Variants in IL16 observed in about 807,000 individuals in gnomAD.
IL16 encodes the protein pro-interleukin-16.
In IL16, 67 loss-of-function variants were observed where a neutral mutation model predicts 110.1. The observed-to-expected ratio is 0.61, with a 90% CI of 0.50 to 0.75. The LOEUF is 0.75. Ranked by LOEUF, IL16 falls within the 30% of genes least tolerant of loss-of-function variation. The probability of loss-of-function intolerance (pLI) is 0.00; values close to 1 mark genes in which losing one functional copy is unlikely to be tolerated. For synonymous variants in IL16, 689 were observed against 662.9 expected, an observed-to-expected ratio of 1.04 and a Z score of -0.61; for missense variants, 1,545 against 1,655.0, an observed-to-expected ratio of 0.93 and a Z score of 1.15.
chr15:81,222,690 CA>C (rs1447587447), intron 1 of IL16, among the ~76,000 whole-genome samples: 1 of 151,916 alleles, frequency 6.6e-6, no homozygotes, highest in Non-Finnish European at 1.5e-5. Flanking sequence ...GATTATCTTA[CA>C]AATTTCCAAA....
At chr15:81,281,543 T>C (rs538535821) in intron 8 of IL16, among the ~76,000 whole-genome samples, 2 of 152,318 alleles carry the variant, frequency 1.3e-5, no homozygotes, top group Admixed American at 1.3e-4. Flanking sequence ...GCTGGGATAG[T>C]CCCAGACATC....
chr15:81,268,387 C>G (rs1898487883), intron 4 of IL16, among the ~76,000 whole-genome samples: 1 of 152,064 alleles, frequency 6.6e-6, no homozygotes. Context: ...CTGTTAATAT[C>G]CACCTTTGAC....
chr15:81,196,774 GCTT>G, upstream of IL16: 1 of 997,820 alleles, frequency 1.0e-6, no homozygotes, highest in Non-Finnish European at 1.2e-6. Flanking sequence ...CTGAGGCTGA[GCTT>G]CTCAGCACTG....
chr15:81,230,719 A>G (rs1896942062), intron 2 of IL16, among the ~76,000 whole-genome samples: 1 of 152,172 alleles, frequency 6.6e-6, no homozygotes, highest in Non-Finnish European at 1.5e-5. Flanking sequence ...AATAGGATTT[A>G]CACCCTTCAT....
intron 18 of IL16, among the ~76,000 whole-genome samples, chr15:81,307,795 A>G (rs990829415): frequency 1.3e-4 from 20 of 152,232 alleles, no homozygotes; most frequent in African/African-American, 4.8e-4. Flanking sequence ...ACTAGCAGCT[A>G]TGAAGCTCTG....
At chr15:81,225,852 A>G in intron 2 of IL16, 141 bp downstream of exon 2, 1 of 741,440 alleles carries the variant, frequency 1.3e-6, no homozygotes, top group East Asian at 2.7e-5. Context: ...AAGTTGAGGC[A>G]GGGCCCACTG....
intron 8 of IL16, 117 bp from the exon 9 acceptor site, chr15:81,282,522 C>T (rs1000741443): frequency 4.1e-5 from 31 of 757,032 alleles, no homozygotes; most frequent in Admixed American, 1.4e-4. Context: ...TCTGTGAATA[C>T]GGGTGGGATG....
intron 15 of IL16, among the ~76,000 whole-genome samples, chr15:81,302,829 G>C (rs922309109): frequency 3.3e-5 from 5 of 152,162 alleles, no homozygotes; most frequent in African/African-American, 4.8e-5. Flanking sequence ...CTGACCCTTT[G>C]AGCAGATGTA....
intron 4 of IL16, among the ~76,000 whole-genome samples, chr15:81,268,471 A>G (rs142369775): frequency 1.1e-4 from 17 of 152,370 alleles, no homozygotes; most frequent in African/African-American, 4.1e-4. Context: ...CAGGATGGAT[A>G]TGAACACAGG....
chr15:81,279,239 CATCT>C (rs568563856), intron 7 of IL16, among the ~76,000 whole-genome samples: 214 of 152,168 alleles, frequency 1.4e-3, no homozygotes, highest in Non-Finnish European at 2.5e-3. Flanking sequence ...TCTATCCATC[CATCT>C]ATCTATTATC....
intron 12 of IL16, among the ~76,000 whole-genome samples, chr15:81,294,731 A>G (rs754545581): frequency 1.3e-5 from 2 of 152,142 alleles, no homozygotes; most frequent in African/African-American, 4.8e-5. Context: ...CATAAAAGCA[A>G]TCAGCACGAC....
intron 1 of IL16, among the ~76,000 whole-genome samples, chr15:81,207,571 A>C (rs1403937731): frequency 7.6e-6 from 1 of 132,388 alleles, no homozygotes; most frequent in East Asian, 2.5e-4. Context: ...TGTTTATGTT[A>C]CTATGTGGCC....
At chr15:81,209,002 T>C (rs1896136034) in intron 1 of IL16, among the ~76,000 whole-genome samples, 1 of 152,244 alleles carries the variant, frequency 6.6e-6, no homozygotes, top group Non-Finnish European at 1.5e-5. Flanking sequence ...AACAGAACAG[T>C]GCACATAGTA....
rs557949665 is a variant in IL16, at chr15:81,208,926, G to C, written c.-102+11774G>C. Among the ~76,000 whole-genome samples the C allele has an allele frequency of 9.2e-5, 14 of 152,190 alleles. No individual in the cohort carries two copies. In the South Asian group the frequency reaches 2.5e-3, roughly 27 times the overall value. On this transcript the variant is annotated intron_variant, in intron 1 of 18. Coordinates refer to ENST00000683961, the MANE Select transcript of IL16 (RefSeq NM_172217.5). Reference sequence around the variant, plus strand: ...TGTTAAATGGAGAAAGTTAAAAATAGTATATATCTCATATGGATATTATAA... The same window carrying C: ...TGTTAAATGGAGAAAGTTAAAAATACTATATATCTCATATGGATATTATAA...
intron 2 of IL16, among the ~76,000 whole-genome samples, chr15:81,259,339 C>A (rs2142184465): frequency 6.6e-6 from 1 of 152,306 alleles, no homozygotes; most frequent in East Asian, 1.9e-4. Context: ...CTCTCTAGTT[C>A]TTTTCTTCAG....
chr15:81,189,169 G>A (rs1430671925), intron 1 of IL16, among the ~76,000 whole-genome samples: 1 of 150,174 alleles, frequency 6.7e-6, no homozygotes, highest in African/African-American at 2.5e-5. Flanking sequence ...CATCACCCAG[G>A]CTGGAGTGCA....
At chr15:81,247,078 T>TTTC (rs1427583643) in intron 2 of IL16, among the ~76,000 whole-genome samples, 3 of 101,540 alleles carry the variant, frequency 3.0e-5, no homozygotes, top group African/African-American at 1.7e-4. Context: ...TTCTTTTCCT[T>TTTC]TTTTTTTTTT....
chr15:81,201,952 A>C (rs1348909145), intron 1 of IL16, among the ~76,000 whole-genome samples: 1 of 152,234 alleles, frequency 6.6e-6, no homozygotes, highest in Admixed American at 6.5e-5. Context: ...ATATAAGGCA[A>C]GTAAGCATAG....
rs145016654 is a variant in IL16, at chr15:81,189,083, A to G, written c.40+6187A>G. Among the ~76,000 whole-genome samples the G allele has an allele frequency of 2.6e-5, 4 of 151,902 alleles. No homozygotes were observed. In the East Asian group the frequency reaches 7.8e-4, roughly 29 times the overall value. On this transcript the variant is annotated intron_variant, in intron 1 of 18. Transcript: ENST00000302987. ...ATCCTCCCGCCTCAGCCTCCTAAGT[A>G]ACTGAGACTATAGGCACATGCCACC...
Sources: gnomAD v4.1 joint callset for allele counts (sites outside exome capture counted in the v4.1 genomes callset) on GRCh38, gnomAD v4.1.1 for gene constraint, MANE v1.5 for transcripts, NCBI Gene and HGNC (gene_info 2026-07-23, HGNC 2026-07-21) for gene names.